NOS1AP: variants seen among roughly 807,000 people sequenced by gnomAD.
The protein encoded by NOS1AP is carboxyl-terminal PDZ ligand of neuronal nitric oxide synthase protein.
Under a neutral mutation model 56.2 loss-of-function variants are expected in NOS1AP, and 21 were observed. That is an observed-to-expected ratio of 0.37 (90% confidence interval 0.26 to 0.54). NOS1AP has a LOEUF of 0.54. Among genes scored for constraint, NOS1AP ranks in the 20% least tolerant of loss-of-function variants. The probability of loss-of-function intolerance (pLI) is 0.84; values close to 1 mark genes in which losing one functional copy is unlikely to be tolerated. For synonymous variants in NOS1AP, 270 were observed against 274.6 expected, an observed-to-expected ratio of 0.98 and a Z score of 0.17; for missense variants, 522 against 657.8, an observed-to-expected ratio of 0.79 and a Z score of 2.26.
intron 5 of NOS1AP, among the ~76,000 whole-genome samples, chr1:162,337,846 A>C (rs547026504): frequency 1.3e-5 from 2 of 152,356 alleles, no homozygotes; most frequent in South Asian, 4.1e-4. Context: ...TATATAATCA[A>C]AGCCACAAAA....
chr1:162,353,753 T>C (rs1014412900), intron 6 of NOS1AP, among the ~76,000 whole-genome samples: 1 of 152,176 alleles, frequency 6.6e-6, no homozygotes, highest in Non-Finnish European at 1.5e-5. Flanking sequence ...CTTTTTCCTG[T>C]ACAGGCATGG....
chr1:162,339,573 C>T (rs184348120), intron 5 of NOS1AP, among the ~76,000 whole-genome samples: 2 of 152,306 alleles, frequency 1.3e-5, no homozygotes, highest in East Asian at 1.9e-4. Context: ...GGAGCAACTG[C>T]TTCACTGTGA....
intron 2 of NOS1AP, among the ~76,000 whole-genome samples, chr1:162,240,046 C>T (rs569024224): frequency 1.3e-5 from 2 of 152,312 alleles, no homozygotes; most frequent in South Asian, 4.1e-4. Flanking sequence ...CAGATGGCAG[C>T]TTCCTGGCAC....
At chr1:162,242,734 C>T (rs1447321069) in intron 2 of NOS1AP, among the ~76,000 whole-genome samples, 1 of 152,092 alleles carries the variant, frequency 6.6e-6, no homozygotes, top group East Asian at 1.9e-4. Flanking sequence ...TAATCATCAG[C>T]CTCCAAGAAT....
chr1:162,157,930 G>A (rs1336751236), intron 2 of NOS1AP, among the ~76,000 whole-genome samples: 2 of 151,958 alleles, frequency 1.3e-5, no homozygotes, highest in East Asian at 3.9e-4. Context: ...CCCTCTTGAT[G>A]GTCTTTCTGA....
At chr1:162,272,310 A>G (rs140388958) in intron 2 of NOS1AP, among the ~76,000 whole-genome samples, 377 of 152,218 alleles carry the variant, frequency 2.5e-3, no homozygotes, top group African/African-American at 8.9e-3. Flanking sequence ...AACCTCCTTT[A>G]TCACTTCCCA....
chr1:162,330,077 G>A (rs866993361), intron 4 of NOS1AP, among the ~76,000 whole-genome samples: 24 of 152,342 alleles, frequency 1.6e-4, no homozygotes, highest in Middle Eastern at 3.4e-3. Flanking sequence ...GGGCATGCCA[G>A]TTTGCATTCA....
intron 1 of NOS1AP, among the ~76,000 whole-genome samples, chr1:162,086,578 A>G (rs1194787038): frequency 6.6e-6 from 1 of 152,086 alleles, no homozygotes; most frequent in Non-Finnish European, 1.5e-5. Context: ...TCAATGCATG[A>G]AGTTGATGAC....
intron 2 of NOS1AP, among the ~76,000 whole-genome samples, chr1:162,223,500 A>C (rs1490628178): frequency 6.6e-6 from 1 of 152,218 alleles, no homozygotes; most frequent in Non-Finnish European, 1.5e-5. Context: ...GCTGAGCATA[A>C]TGTTTGGAGG....
intron 6 of NOS1AP, among the ~76,000 whole-genome samples, chr1:162,348,048 G>A (rs1381752527): frequency 6.6e-6 from 1 of 152,206 alleles, no homozygotes; most frequent in African/African-American, 2.4e-5. Flanking sequence ...AGTCCACTGT[G>A]TACCAGACAT....
chr1:162,151,544 T>C (rs1428005669), intron 1 of NOS1AP, among the ~76,000 whole-genome samples: 2 of 152,208 alleles, frequency 1.3e-5, no homozygotes, highest in African/African-American at 2.4e-5. Flanking sequence ...TTTTCTATTT[T>C]TGTGGAGGAT....
rs188160420 is a variant in NOS1AP at position 162,246,781 on chromosome 1, A to G, written c.178-40563A>G. 1.1e-4 allele frequency among the ~76,000 whole-genome samples: 17 copies of G among 152,160 alleles called. 1 individual carries two copies. The East Asian group carries it at 1.5e-3, about 14-fold the overall frequency. ...ATGTGGGGTCCCTTCTAGCTCCCCA[A>G]TCTGTGCTGTGGGGGTGTTGATGGG... On this transcript the variant is annotated intron_variant, in intron 2 of 9. Coordinates refer to ENST00000361897, the MANE Select transcript of NOS1AP (RefSeq NM_014697.3).
chr1:162,145,590 G>T (rs552107729), intron 1 of NOS1AP, among the ~76,000 whole-genome samples: 2 of 152,234 alleles, frequency 1.3e-5, no homozygotes, highest in African/African-American at 4.8e-5. Flanking sequence ...TCATAATCCC[G>T]CTCAGCAGGA....
intron 2 of NOS1AP, among the ~76,000 whole-genome samples, chr1:162,217,959 C>T (rs145160072): frequency 1.2e-4 from 18 of 152,268 alleles, no homozygotes; most frequent in African/African-American, 4.3e-4. Context: ...CATCTTGTTT[C>T]CATCTCATAA....
intron 2 of NOS1AP, among the ~76,000 whole-genome samples, chr1:162,214,294 TTC>T (rs1652472307): frequency 1.4e-5 from 2 of 144,578 alleles, no homozygotes; most frequent in Non-Finnish European, 3.1e-5. Flanking sequence ...CATTCATTCA[TTC>T]AGTAAAAGCC....
intron 1 of NOS1AP, among the ~76,000 whole-genome samples, chr1:162,113,917 T>TA (rs1038350315): frequency 6.0e-4 from 87 of 145,540 alleles, no homozygotes; most frequent in East Asian, 1.0e-3. Flanking sequence ...GTAAGAGAAT[T>TA]AAAAAAAAAA....
intron 1 of NOS1AP, among the ~76,000 whole-genome samples, chr1:162,089,648 T>C (rs1251533820): frequency 6.6e-6 from 1 of 152,186 alleles, no homozygotes; most frequent in African/African-American, 2.4e-5. Context: ...GCTTTAAATA[T>C]AGTCACAGTT....
At chr1:162,337,502 G>C (rs1656978445) in intron 5 of NOS1AP, among the ~76,000 whole-genome samples, 1 of 151,830 alleles carries the variant, frequency 6.6e-6, no homozygotes, top group African/African-American at 2.4e-5. Context: ...TTTAGGTTGA[G>C]TTGGGAAGTC....
At chr1:162,281,424 G>T (rs1249503057) in intron 2 of NOS1AP, among the ~76,000 whole-genome samples, 2 of 152,106 alleles carry the variant, frequency 1.3e-5, no homozygotes, top group Non-Finnish European at 1.5e-5. Flanking sequence ...CATATTTCTT[G>T]CTCTCATGAA....
Sources: allele counts gnomAD v4.1 joint callset (sites outside exome capture counted in the v4.1 genomes callset), GRCh38; gene constraint gnomAD v4.1.1; transcripts MANE v1.5; gene names NCBI Gene and HGNC (gene_info 2026-07-23, HGNC 2026-07-21).